ABCC1: variants seen among roughly 807,000 people sequenced by gnomAD.
ABCC1 encodes ATP binding cassette subfamily C member 1 (ABCC1 blood group), also known as multidrug resistance-associated protein 1.
A neutral mutation model predicts 172.9 loss-of-function variants in ABCC1; 83 were observed. That is an observed-to-expected ratio of 0.48 (90% confidence interval 0.40 to 0.58). The LOEUF (loss-of-function observed/expected upper bound fraction) is 0.58. Among genes scored for constraint, ABCC1 ranks in the 20% least tolerant of loss-of-function variants. ABCC1 has a pLI of 0.00. For missense variants in ABCC1, 1,817 were observed against 2,002.7 expected (o/e 0.91, Z 1.77); for synonymous variants, 937 against 825.2 (o/e 1.14, Z -2.32).
chr16:16,098,466 A>G (rs2051578955), intron 19 of ABCC1, among the ~76,000 whole-genome samples: 1 of 152,216 alleles, frequency 6.6e-6, no homozygotes, highest in Non-Finnish European at 1.5e-5. Context: ...TAAAAATACG[A>G]AAATTAGCCA....
chr16:16,086,148 G>A (rs1461249238), intron 17 of ABCC1, among the ~76,000 whole-genome samples: 2 of 152,190 alleles, frequency 1.3e-5, no homozygotes, highest in African/African-American at 4.8e-5. Flanking sequence ...AGGGATCACG[G>A]CCTTCCCACT....
intron 1 of ABCC1, among the ~76,000 whole-genome samples, chr16:15,973,050 C>T (rs1447483895): frequency 2.0e-5 from 3 of 152,094 alleles, no homozygotes; most frequent in Admixed American, 6.6e-5. Flanking sequence ...CCACCTCAGC[C>T]TCCCAAAGTG....
chr16:16,009,970 G>A (rs957155225), intron 3 of ABCC1, 69 bp downstream of exon 3: 14 of 1,244,110 alleles, frequency 1.1e-5, no homozygotes, highest in South Asian at 6.1e-5. Flanking sequence ...GTAATAACTC[G>A]TAAGACTAGA....
chr16:15,979,332 TC>T (rs1297124282), intron 1 of ABCC1, among the ~76,000 whole-genome samples: 1 of 151,952 alleles, frequency 6.6e-6, no homozygotes, highest in Non-Finnish European at 1.5e-5. Flanking sequence ...AAATTTTTTT[TC>T]CACAAATGTG....
chr16:16,070,026 C>CA (rs1349535962), intron 13 of ABCC1, among the ~76,000 whole-genome samples: 1 of 151,956 alleles, frequency 6.6e-6, no homozygotes, highest in Non-Finnish European at 1.5e-5. Context: ...GAGTGAGACT[C>CA]AGTCTCCAAG....
intron 28 of ABCC1, among the ~76,000 whole-genome samples, chr16:16,135,097 C>A (rs2045869460): frequency 6.6e-6 from 1 of 152,156 alleles, no homozygotes; most frequent in African/African-American, 2.4e-5. Flanking sequence ...AAAAAGACAC[C>A]GTCTTCTCTC....
chr16:15,981,286 T>G (rs982887875), intron 1 of ABCC1, among the ~76,000 whole-genome samples: 2 of 152,232 alleles, frequency 1.3e-5, no homozygotes, highest in Non-Finnish European at 2.9e-5. Context: ...CACTAGGCAG[T>G]GTCCCAATGG....
intron 23 of ABCC1, among the ~76,000 whole-genome samples, chr16:16,118,768 C>T (rs1385903897): frequency 6.7e-6 from 1 of 150,176 alleles, no homozygotes; most frequent in Non-Finnish European, 1.5e-5. Context: ...GAGGCAGATA[C>T]ATGAAAACAT....
At position 16,053,774 on chromosome 16, in the gene ABCC1, C is replaced by CA. The variant is rs10526186; in HGVS notation, c.1473+998dup. Among the ~76,000 whole-genome samples, 244 of 36,192 alleles carry CA rather than the reference C, an allele frequency of 6.7e-3. 67 individuals carry two copies. Among genetic ancestry groups the CA allele is most frequent in the Non-Finnish European group, 0.011 (150 of 13,996 alleles). 23.7% of individuals were successfully genotyped at this position (36,192 alleles called of 152,430 possible). A position where few individuals can be genotyped will look rare whatever the true frequency, so the allele number is the denominator to read the frequency against. ...TGCACAACAGAGTGAGACCCTGTCTCAAAAAAAAAAAAAAAAAAAAAAAAA... is the reference window on the plus strand; with the variant it reads ...TGCACAACAGAGTGAGACCCTGTCTCAAAAAAAAAAAAAAAAAAAAAAAAAA... On this transcript the variant is annotated intron_variant, in intron 11 of 30. Coordinates refer to ENST00000399410, the MANE Select transcript of ABCC1 (RefSeq NM_004996.4).
At chr16:16,130,244 G>A (rs891379456) in intron 26 of ABCC1, among the ~76,000 whole-genome samples, 3 of 152,204 alleles carry the variant, frequency 2.0e-5, no homozygotes, top group African/African-American at 7.2e-5. Context: ...CCTTCCTGCC[G>A]GGGTGGGCAG....
At chr16:15,976,499 A>G (rs215048) in intron 1 of ABCC1, among the ~76,000 whole-genome samples, 3 of 152,084 alleles carry the variant, frequency 2.0e-5, no homozygotes, top group Admixed American at 2.0e-4. Flanking sequence ...AAACCCAGGC[A>G]GTCTGTCTCC....
chr16:16,086,799 C>T, intron 17 of ABCC1, 25 bp from the exon 18 acceptor site: 2 of 1,609,868 alleles, frequency 1.2e-6, no homozygotes, highest in Non-Finnish European at 1.7e-6. Flanking sequence ...CCAGGAAACC[C>T]ACTCCTGTGT....
intron 1 of ABCC1, among the ~76,000 whole-genome samples, chr16:16,002,931 G>A (rs71378217): frequency 0.07 from 10,636 of 152,258 alleles, 390 homozygotes; most frequent in Middle Eastern, 0.12. Flanking sequence ...TGCCTGTAGG[G>A]TAGCAATGGG....
At chr16:16,100,729 C>T (rs1486056858) in intron 19 of ABCC1, among the ~76,000 whole-genome samples, 4 of 152,136 alleles carry the variant, frequency 2.6e-5, no homozygotes, top group Admixed American at 2.6e-4. Flanking sequence ...GGGTCGCCAT[C>T]ACTGAACACT....
rs3851716 is a variant in ABCC1 at position 16,111,592 on chromosome 16, G to A, written c.3079+10G>A. ...CTGGGCATTTCACAAGGTTGGTGCC[G>A]CTGTCTCCCACCCCGCCTGATTTGG... On this transcript the variant is annotated intron_variant, in intron 22 of 30. Coordinates refer to ENST00000399410, the MANE Select transcript of ABCC1 (RefSeq NM_004996.4). 1,593,408 of 1,610,546 alleles carry A rather than the reference G, an allele frequency of 0.99. 789,687 individuals are homozygous for A. Among genetic ancestry groups the A allele is most frequent in the East Asian group, 1 (44,852 of 44,852 alleles).
intron 12 of ABCC1, among the ~76,000 whole-genome samples, chr16:16,065,218 G>A (rs1006377594): frequency 1.3e-5 from 2 of 152,120 alleles, no homozygotes; most frequent in African/African-American, 4.8e-5. Context: ...TCAGCACTTT[G>A]ACTTCTACAC....
At chr16:16,078,927 T>C (rs947354368) in intron 15 of ABCC1, among the ~76,000 whole-genome samples, 5 of 152,208 alleles carry the variant, frequency 3.3e-5, no homozygotes, top group Admixed American at 1.3e-4. Context: ...TCCGCCTGCG[T>C]TGGCCTCCCA....
In ABCC1 at chr16:16,044,454, C is replaced by T. The variant is rs200194736; in HGVS notation, c.814C>T (p.Pro272Ser). ...CTTCACCTCCTTGTGTTCCAGGCAG[C>T]CGGTGAAGGTTGTGTACTCCTCCAA... ...KKECAKTRKQ[P>S]VKVVYSSKDP... Residue 272 changes from proline to serine, a missense_variant, in exon 8 of 31, where the codon CCG becomes TCG. By Grantham distance (74) the Pro-to-Ser change is moderately conservative. Around this residue, in one of 3 missense-constraint regions of ABCC1, gnomAD observed 398 missense variants for 384.2 expected, o/e 1.04. Coordinates refer to ENST00000399410, the MANE Select transcript of ABCC1 (RefSeq NM_004996.4). The T allele has an allele frequency of 1.5e-4, 239 of 1,613,718 alleles. No homozygotes were observed. The highest frequency in any genetic ancestry group is 2.7e-4 in the Admixed American group (16 of 60,008).
intron 7 of ABCC1, among the ~76,000 whole-genome samples, chr16:16,042,791 A>G (rs995979455): frequency 1.3e-5 from 2 of 152,036 alleles, no homozygotes; most frequent in African/African-American, 2.4e-5. Context: ...CAATTCATGT[A>G]TGCAGAACAT....
Sources: gnomAD v4.1 joint callset for allele counts (sites outside exome capture counted in the v4.1 genomes callset) on GRCh38, gnomAD v4.1.1 for gene constraint, gnomAD v4.1.1 regional missense constraint, MANE v1.5 for transcripts, NCBI Gene and HGNC (gene_info 2026-07-23, HGNC 2026-07-21) for gene names.